FAR2: variants seen among roughly 807,000 people sequenced by gnomAD.
FAR2 encodes the protein fatty acyl-CoA reductase 2.
FAR2 carries 19 observed loss-of-function variants against 56.0 expected under a neutral mutation model. The ratio of observed to expected loss-of-function variants is 0.34; its 90% CI spans 0.24 to 0.50. FAR2 has a LOEUF of 0.50. Among genes scored for constraint, FAR2 ranks in the 20% least tolerant of loss-of-function variants. The pLI, the probability that FAR2 is intolerant of heterozygous loss-of-function variation, is 0.98. For missense variants in FAR2, 508 were observed against 642.2 expected (o/e 0.79, Z 2.26); for synonymous variants, 219 against 218.8 (o/e 1.00, Z -0.01).
At chr12:29,169,588 G>A (rs760094860) in intron 1 of FAR2, among the ~76,000 whole-genome samples, 5 of 152,140 alleles carry the variant, frequency 3.3e-5, no homozygotes, top group Admixed American at 6.5e-5. Flanking sequence ...GCCGGGCAGC[G>A]TTTCCTACTA....
At position 29,308,685 on chromosome 12, in the gene FAR2, C is replaced by T. The variant is rs566868243; in HGVS notation, c.724-501C>T. On this transcript the variant is annotated intron_variant, in intron 5 of 11. Coordinates refer to ENST00000536681, the MANE Select transcript of FAR2 (RefSeq NM_001271783.2). ...AAGTAAGTCAATATACACACAGACA[C>T]ACAGACACACACACACACACACACA... 2.4e-3 allele frequency among the ~76,000 whole-genome samples: 110 copies of T among 46,436 alleles called. 1 individual carries two copies. Among genetic ancestry groups the T allele is most frequent in the African/African-American group, 0.01 (106 of 10,306 alleles). The allele number at this position is 46,436 out of a possible 152,430, so 30.5% of individuals were successfully genotyped here.
At chr12:29,220,171 G>A (rs115671767) in intron 1 of FAR2, among the ~76,000 whole-genome samples, 276 of 152,204 alleles carry the variant, frequency 1.8e-3, no homozygotes, top group African/African-American at 6.5e-3. Flanking sequence ...AATGGACTCT[G>A]GCTGTGTCAA....
chr12:29,246,650 A>G (rs1385451977), intron 1 of FAR2, among the ~76,000 whole-genome samples: 3 of 150,596 alleles, frequency 2.0e-5, no homozygotes, highest in Non-Finnish European at 4.4e-5. Flanking sequence ...AGTGTAGACC[A>G]TAAAACAGCA....
intron 10 of FAR2, among the ~76,000 whole-genome samples, chr12:29,327,635 C>CG (rs1949670333): frequency 6.6e-6 from 1 of 152,094 alleles, no homozygotes; most frequent in Non-Finnish European, 1.5e-5. Flanking sequence ...ACAAACCTGA[C>CG]AAAAACAAGA....
rs1948532851 is a variant in FAR2 at position 29,267,261 on chromosome 12, T to C, written c.-38-3151T>C. Among the ~76,000 whole-genome samples, 3 of 152,072 alleles carry C rather than the reference T, an allele frequency of 2.0e-5. No individual in the cohort carries two copies. In the South Asian group the frequency reaches 6.2e-4, roughly 31 times the overall value. On this transcript the variant is annotated intron_variant, in intron 1 of 11. Transcript: ENST00000536681. ...GCCAAAAAGAAAAGCTAGAAACCAT[T>C]AAGAAGAAAAAATGTAAAACCAGTG...
intron 2 of FAR2, among the ~76,000 whole-genome samples, chr12:29,278,970 A>G (rs1327256936): frequency 6.6e-6 from 1 of 152,202 alleles, no homozygotes; most frequent in Non-Finnish European, 1.5e-5. Context: ...ATTGAAGACA[A>G]CTAATTGATG....
intron 2 of FAR2, among the ~76,000 whole-genome samples, chr12:29,290,511 CA>C (rs1461629966): frequency 6.6e-6 from 1 of 151,836 alleles, no homozygotes; most frequent in Non-Finnish European, 1.5e-5. Flanking sequence ...ATATACCCAA[CA>C]AAAAGGAAAT....
intron 5 of FAR2, 71 bp downstream of exon 5, chr12:29,307,906 T>G (rs1322583979): frequency 6.8e-7 from 1 of 1,465,842 alleles, no homozygotes; most frequent in Non-Finnish European, 9.2e-7. Flanking sequence ...TACTTTCTGA[T>G]GTCTTTCTTC....
intron 2 of FAR2, among the ~76,000 whole-genome samples, chr12:29,287,327 C>T (rs932512163): frequency 3.9e-5 from 6 of 152,324 alleles, no homozygotes; most frequent in Admixed American, 6.5e-5. Flanking sequence ...GCACTAAAAA[C>T]GTCTAGATTA....
intron 1 of FAR2, among the ~76,000 whole-genome samples, chr12:29,216,303 C>A (rs1171766059): frequency 6.6e-6 from 1 of 152,192 alleles, no homozygotes; most frequent in Non-Finnish European, 1.5e-5. Context: ...CTCTATTTCA[C>A]TGGTATCTTC....
intron 2 of FAR2, among the ~76,000 whole-genome samples, chr12:29,278,982 G>T (rs1948744834): frequency 6.6e-6 from 1 of 152,036 alleles, no homozygotes; most frequent in Admixed American, 6.5e-5. Context: ...TAATTGATGG[G>T]TATGTTTCAT....
At chr12:29,160,450 T>A (rs1949772405) in intron 1 of FAR2, among the ~76,000 whole-genome samples, 1 of 152,198 alleles carries the variant, frequency 6.6e-6, no homozygotes. Flanking sequence ...ACCCTTGATA[T>A]CACCTTCACT....
rs2136661137 is a variant in FAR2, at chr12:29,238,850, A to G, written c.-38-31562A>G. ...TATTAGTTTTCTATTGTTTTATAAC[A>G]AATGACCCAAACTTTAGTGGCTTAA... On this transcript the variant is annotated intron_variant, in intron 1 of 11. Coordinates refer to ENST00000536681, the MANE Select transcript of FAR2 (RefSeq NM_001271783.2). Among the ~76,000 whole-genome samples, 4 of 152,330 alleles carry G rather than the reference A, an allele frequency of 2.6e-5. No homozygotes were observed. In the South Asian group the frequency reaches 8.3e-4, roughly 32 times the overall value.
intron 1 of FAR2, among the ~76,000 whole-genome samples, chr12:29,187,069 T>G (rs1333834839): frequency 3.3e-5 from 5 of 152,330 alleles, no homozygotes; most frequent in African/African-American, 9.6e-5. Context: ...ATTACAGGTG[T>G]GAGCCACTGC....
chr12:29,165,936 C>G (rs1441166434), intron 1 of FAR2, among the ~76,000 whole-genome samples: 3 of 152,194 alleles, frequency 2.0e-5, no homozygotes, highest in Admixed American at 6.5e-5. Context: ...CAAATAAACA[C>G]CTGGTAAAAA....
intron 1 of FAR2, among the ~76,000 whole-genome samples, chr12:29,154,945 AT>A (rs1447563175): frequency 6.6e-6 from 1 of 152,198 alleles, no homozygotes; most frequent in East Asian, 1.9e-4. Context: ...ACAGTTCTCT[AT>A]TAACCATAAG....
intron 1 of FAR2, among the ~76,000 whole-genome samples, chr12:29,243,555 G>C (rs960910067): frequency 5.3e-5 from 8 of 152,088 alleles, no homozygotes; most frequent in Admixed American, 5.2e-4. Context: ...ACTGCTATCT[G>C]GTATGTTTTT....
At chr12:29,208,737 T>C (rs1947506225) in intron 1 of FAR2, among the ~76,000 whole-genome samples, 1 of 152,124 alleles carries the variant, frequency 6.6e-6, no homozygotes, top group Admixed American at 6.5e-5. Flanking sequence ...AAATGAATGC[T>C]AAAGTGAGAG....
rs191662535 is a variant in FAR2, at chr12:29,150,356, C to G, written c.-39+949C>G. On this transcript the variant is annotated intron_variant, in intron 1 of 11. Transcript: ENST00000536681. The stretch of plus-strand genomic sequence containing the variant: ...GCAAGAGTTTGGCCACTCGTTGAAT[C>G]ACGTAAAGTGCCCCCATTATGTGAT... 6.0e-4 allele frequency among the ~76,000 whole-genome samples: 92 copies of G among 152,310 alleles called. 1 individual carries two copies. The East Asian group carries it at 0.016, about 27-fold the overall frequency.
Sources: gnomAD v4.1 joint callset for allele counts (sites outside exome capture counted in the v4.1 genomes callset) on GRCh38, gnomAD v4.1.1 for gene constraint, MANE v1.5 for transcripts, NCBI Gene and HGNC (gene_info 2026-07-23, HGNC 2026-07-21) for gene names.